The following PCDH15 variants were observed in gnomAD, a reference collection of about 807,000 sequenced individuals.
PCDH15 encodes protocadherin related 15, also known as protocadherin-15.
Under a neutral mutation model 178.5 loss-of-function variants are expected in PCDH15, and 129 were observed. That is an observed-to-expected ratio of 0.72 (90% CI 0.63 to 0.84). The LOEUF (loss-of-function observed/expected upper bound fraction) is 0.84, where lower values mean the gene tolerates loss of function less well. Among genes scored for constraint, PCDH15 ranks in the 40% least tolerant of loss-of-function variants. The probability of loss-of-function intolerance (pLI) is 0.00; values close to 1 mark genes in which losing one functional copy is unlikely to be tolerated. For synonymous variants in PCDH15, 800 were observed against 732.0 expected, an observed-to-expected ratio of 1.09 and a Z score of -1.50; for missense variants, 2,230 against 2,099.9, an observed-to-expected ratio of 1.06 and a Z score of -1.21.
chr10:55,572,632 CG>C (rs1045700454), intron 2 of PCDH15, among the ~76,000 whole-genome samples: 15 of 151,678 alleles, frequency 9.9e-5, no homozygotes, highest in African/African-American at 3.1e-4. Flanking sequence ...ATGTCATGTA[CG>C]GATTTTGGTT....
intron 1 of PCDH15, among the ~76,000 whole-genome samples, chr10:54,712,195 G>A (rs2095434127): frequency 6.6e-6 from 1 of 151,672 alleles, no homozygotes; most frequent in African/African-American, 2.4e-5. Context: ...CAAAAAGGGA[G>A]AGACAAAGAA....
chr10:53,808,570 A>G (rs1176877204), intron 37 of PCDH15: 1 of 1,457,256 alleles, frequency 6.9e-7, no homozygotes, highest in Non-Finnish European at 9.0e-7. Flanking sequence ...GCTTCTGATC[A>G]TAAGTCATAT....
intron 3 of PCDH15, among the ~76,000 whole-genome samples, chr10:54,869,428 G>A (rs1953996098): frequency 6.6e-6 from 1 of 152,106 alleles, no homozygotes; most frequent in Non-Finnish European, 1.5e-5. Flanking sequence ...AGCAGCCCTG[G>A]AAAAGTAATA....
intron 2 of PCDH15, among the ~76,000 whole-genome samples, chr10:55,113,562 AG>A (rs1217767983): frequency 6.6e-6 from 1 of 152,148 alleles, no homozygotes; most frequent in Non-Finnish European, 1.5e-5. Context: ...TCTTTTCTCT[AG>A]CCTTAGCCTT....
At chr10:54,406,243 G>GAATT (rs1204533112) in intron 3 of PCDH15, among the ~76,000 whole-genome samples, 3 of 151,862 alleles carry the variant, frequency 2.0e-5, no homozygotes, top group African/African-American at 7.3e-5. Context: ...TTAAATAAAT[G>GAATT]AATTAGTTGC....
rs191403290 is a variant in PCDH15 at position 54,826,904 on chromosome 10, T to C, written c.-29+70546A>G. On this transcript the variant is annotated intron_variant, in intron 3 of 5. Coordinates refer to the PCDH15 transcript ENST00000458638. ...CTAACATACTTTTCTAGTGAACTTA[T>C]ATGCAGACTTAGAATTTGGGACATG... Among the ~76,000 whole-genome samples the C allele has an allele frequency of 6.0e-4, 92 of 152,232 alleles. 1 individual carries two copies. Among genetic ancestry groups the C allele is most frequent in the Non-Finnish European group, 1.2e-3 (84 of 67,984 alleles).
At chr10:53,899,180 G>A (rs917712027) in intron 26 of PCDH15, among the ~76,000 whole-genome samples, 1 of 150,214 alleles carries the variant, frequency 6.7e-6, no homozygotes, top group African/African-American at 2.4e-5. Flanking sequence ...TGTGGCTTCT[G>A]TAAGGGTAGA....
intron 26 of PCDH15, among the ~76,000 whole-genome samples, chr10:53,875,298 A>G (rs1258650622): frequency 2.6e-5 from 4 of 151,550 alleles, no homozygotes; most frequent in African/African-American, 9.7e-5. Context: ...TTTTCTTAAT[A>G]TTTTGGGAAA....
chr10:54,042,010 T>C (rs1186831194), intron 18 of PCDH15, among the ~76,000 whole-genome samples: 2 of 145,394 alleles, frequency 1.4e-5, no homozygotes, highest in Non-Finnish European at 3.1e-5. Flanking sequence ...GTAATTAAGA[T>C]AGAAAAAAAA....
chr10:53,827,895 G>C (rs1301304569), intron 31 of PCDH15, among the ~76,000 whole-genome samples: 1 of 151,982 alleles, frequency 6.6e-6, no homozygotes, highest in Non-Finnish European at 1.5e-5. Context: ...CATAAGATGA[G>C]GCATATTAAA....
chr10:54,241,024 AT>A, intron 8 of PCDH15, among the ~76,000 whole-genome samples: 1 of 152,302 alleles, frequency 6.6e-6, no homozygotes, highest in Non-Finnish European at 1.5e-5. Flanking sequence ...CATTTACAGG[AT>A]TTAGCAAATA....
At chr10:55,572,845 C>T (rs955734374) in intron 2 of PCDH15, among the ~76,000 whole-genome samples, 1 of 151,994 alleles carries the variant, frequency 6.6e-6, no homozygotes, top group Non-Finnish European at 1.5e-5. Context: ...AAAGGTCTAA[C>T]TTGATGTGGT....
chr10:54,152,884 C>G (rs1031822311), intron 14 of PCDH15, among the ~76,000 whole-genome samples: 1 of 152,070 alleles, frequency 6.6e-6, no homozygotes, highest in Non-Finnish European at 1.5e-5. Flanking sequence ...CCTTACTTTT[C>G]CATAATAAAT....
chr10:53,938,851 C>T lies in PCDH15; in HGVS notation c.3337G>A (p.Glu1113Lys). ...ACTCGGAGATTGGCAAGGACCACTT[C>T]CAGGGAATCAGCTTGGACTCGAAGT... is the stretch of plus-strand genomic sequence containing the variant. ...YVLRVQADSLEVVLANLRVPS... is the reference protein window; with the variant it reads ...YVLRVQADSLKVVLANLRVPS... The change falls in exon 25 of 38, where the codon GAA (glutamate) becomes AAA (lysine). Residue 1113 changes from glutamate (E) to lysine (K), a missense_variant. Transcript: ENST00000644397. The T allele has an allele frequency of 3.7e-6, 6 of 1,613,562 alleles. No homozygotes were observed. Among genetic ancestry groups the T allele is most frequent in the Non-Finnish European group, 5.1e-6 (6 of 1,179,650 alleles).
chr10:54,248,714 T>TA (rs757848059), intron 8 of PCDH15, among the ~76,000 whole-genome samples: 3 of 151,968 alleles, frequency 2.0e-5, no homozygotes, highest in African/African-American at 2.4e-5. Context: ...AAAGCTCTGA[T>TA]AAAAAAATTC....
At chr10:55,329,669 G>A (rs1277668255) in intron 2 of PCDH15, among the ~76,000 whole-genome samples, 1 of 151,768 alleles carries the variant, frequency 6.6e-6, no homozygotes, top group Non-Finnish European at 1.5e-5. Context: ...CCAATGACAT[G>A]AAACCTATAG....
At chr10:54,347,174 C>A (rs1425585109) in intron 5 of PCDH15, among the ~76,000 whole-genome samples, 1 of 152,046 alleles carries the variant, frequency 6.6e-6, no homozygotes, top group Non-Finnish European at 1.5e-5. Context: ...AGAGAATCAC[C>A]GTTATTTTTT....
intron 2 of PCDH15, among the ~76,000 whole-genome samples, chr10:55,523,786 C>T (rs550091634): frequency 1.3e-5 from 2 of 151,600 alleles, no homozygotes; most frequent in African/African-American, 2.4e-5. Context: ...TTGCTTAAGG[C>T]CAACATCTAT....
chr10:55,596,008 T>C (rs748805792), intron 2 of PCDH15, among the ~76,000 whole-genome samples: 5 of 152,056 alleles, frequency 3.3e-5, no homozygotes, highest in Non-Finnish European at 5.9e-5. Context: ...AACAGACACC[T>C]AGAGATGGAG....
Sources: gnomAD v4.1 joint callset for allele counts (sites outside exome capture counted in the v4.1 genomes callset) on GRCh38, gnomAD v4.1.1 for gene constraint, MANE v1.5 for transcripts, NCBI Gene and HGNC (gene_info 2026-07-23, HGNC 2026-07-21) for gene names.